OPLAH: variants seen among roughly 807,000 people sequenced by gnomAD.
OPLAH encodes 5-oxoprolinase.
In OPLAH, 103 loss-of-function variants were observed where a neutral mutation model predicts 122.8. The observed-to-expected ratio is 0.84, with a 90% CI of 0.71 to 0.99. The LOEUF is 0.99. Among genes scored for constraint, OPLAH ranks in the 50% least tolerant of loss-of-function variants. The probability of loss-of-function intolerance (pLI) is 0.00; values close to 1 mark genes in which losing one functional copy is unlikely to be tolerated. For missense variants in OPLAH, 1,902 were observed against 1,836.5 expected (o/e 1.04, Z -0.65); for synonymous variants, 875 against 796.0 (o/e 1.10, Z -1.67).
rs1554760439 is a variant in OPLAH, at chr8:144,059,771, G to C, written c.191C>G (p.Pro64Arg). ...ACTGGAGTCCAGCGGCTGGTCCCGG[G>C]GCAGGAGCATGCCGGCCTCCTGGGG... ...ILEQEAGMLL[P>R]RDQPLDSSHI... The change falls in exon 3 of 27, where the codon CCC (proline) becomes CGC (arginine). Residue 64 changes from proline (P) to arginine (R), a missense_variant. Physicochemically the swap from Pro to Arg is moderately radical, Grantham distance 103. Around this residue, in one of 3 missense-constraint regions of OPLAH, gnomAD observed 168 missense variants for 170.6 expected, o/e 0.98. Transcript: ENST00000618853. The C allele has an allele frequency of 6.2e-7, 1 of 1,608,666 alleles. No individual in the cohort carries two copies. Among genetic ancestry groups the C allele is most frequent in the Non-Finnish European group, 8.5e-7 (1 of 1,178,974 alleles).
chr8:144,063,512 C>A (rs1182297626), upstream of OPLAH, among the ~76,000 whole-genome samples: 1 of 152,178 alleles, frequency 6.6e-6, no homozygotes. This position sits in a 1 kb window ranked among gnomAD's most constrained non-coding sequence, Gnocchi z 4.2. Context: ...CCTGGAAAGC[C>A]GCGCCCCAGC....
Position 144,053,143 on chromosome 8 carries a change from G to C in OPLAH, c.2872-14C>G, listed in dbSNP as rs782254773. ...CTCAGCGTTTGCCTGGCAGGGAGCA[G>C]GATCAGTGGTGGCCAGGTCACCTGC... is the stretch of plus-strand genomic sequence containing the variant. On this transcript the variant is annotated splice_polypyrimidine_tract_variant and intron_variant, in intron 20 of 26. Transcript: ENST00000618853. 1 of 1,607,796 alleles carries C rather than the reference G, an allele frequency of 6.2e-7. No individual in the cohort carries two copies. Among genetic ancestry groups the C allele is most frequent in the Non-Finnish European group, 8.5e-7 (1 of 1,177,758 alleles).
intron 1 of OPLAH, among the ~76,000 whole-genome samples, 158 bp downstream of exon 1, chr8:144,060,494 GC>G (rs1181168468): frequency 6.6e-6 from 1 of 152,188 alleles, no homozygotes; most frequent in African/African-American, 2.4e-5. Flanking sequence ...AGCCTGGCGG[GC>G]CCCGGGACAG....
At chr8:144,051,542 T>G in intron 26 of OPLAH, 70 bp from the exon 27 acceptor site, 2 of 1,251,514 alleles carry the variant, frequency 1.6e-6, no homozygotes, top group Non-Finnish European at 2.2e-6. Context: ...ACCTGCGCAG[T>G]CCCCTCCCCA....
At position 144,058,578 on chromosome 8, in the gene OPLAH, G is replaced by C. The variant is rs369392245; in HGVS notation, c.701C>G (p.Thr234Arg). ...CGTGAGGTAGGCGTCGGCACAGGCC[G>C]TGTGCCCCCGAGGGACGATGCGCAC... ...PMVRIVPRGH[T>R]ACADAYLTPA... Residue 234 changes from threonine to arginine, a missense_variant, in exon 6 of 27, where the codon ACG becomes AGG. By Grantham distance (71) the Thr-to-Arg change is moderately conservative. Transcript: ENST00000618853. 1.2e-6 allele frequency: 2 copies of C among 1,602,162 alleles called. No individual in the cohort carries two copies. Among genetic ancestry groups the C allele is most frequent in the Non-Finnish European group, 1.7e-6 (2 of 1,179,216 alleles).
At position 144,051,958 on chromosome 8, in the gene OPLAH, C is replaced by G. The variant is rs782448659; in HGVS notation, c.3580G>C (p.Val1194Leu). ...LLFREEALLS[V>L]LTERRAFRPY... ...CGGAAGGCGCGGCGCTCGGTCAGCA[C>G]TGACAGCAGCGCCTCCTCACGAAAG... Residue 1194 changes from valine to leucine, a missense_variant, in exon 25 of 27, where the codon GTG becomes CTG. Coordinates refer to ENST00000618853, the MANE Select transcript of OPLAH (RefSeq NM_017570.5). 1.9e-6 allele frequency: 3 copies of G among 1,565,548 alleles called. No individual in the cohort carries two copies. The South Asian group carries it at 3.4e-5, about 18-fold the overall frequency.
intron 6 of OPLAH, 42 bp from the exon 7 acceptor site, chr8:144,058,446 GC>G: frequency 6.3e-7 from 1 of 1,577,720 alleles, no homozygotes; most frequent in Non-Finnish European, 8.6e-7. Context: ...GCAGGCCAAG[GC>G]CCAGGCCCAG....
rs1835495011 is a variant in OPLAH at position 144,055,690 on chromosome 8, G to A, written c.2248+98C>T. 2.2e-6 allele frequency: 3 copies of A among 1,357,724 alleles called. No homozygotes were observed. The highest frequency in any genetic ancestry group is 3.0e-5 in the African/African-American group (2 of 67,078). 84.1% of individuals were successfully genotyped at this position (1,357,724 alleles called of 1,614,324 possible). On this transcript the variant is annotated intron_variant, in intron 16 of 26. Coordinates refer to ENST00000618853, the MANE Select transcript of OPLAH (RefSeq NM_017570.5). This position sits in a 1 kb window ranked among gnomAD's most constrained non-coding sequence, Gnocchi z 6.5. Reference sequence around the variant, plus strand: ...ACACTGCCCGCCCCGTCGCCAGGGGGTCCTGCTTCTGCCTCTCCCTTTGGG... The same window carrying A: ...ACACTGCCCGCCCCGTCGCCAGGGGATCCTGCTTCTGCCTCTCCCTTTGGG...
At chr8:144,053,717 C>T (rs1170034280) in intron 19 of OPLAH, among the ~76,000 whole-genome samples, 4 of 152,062 alleles carry the variant, frequency 2.6e-5, no homozygotes, top group African/African-American at 9.7e-5. Context: ...GGTTCCATTA[C>T]ACCCACCCTC....
upstream of OPLAH, among the ~76,000 whole-genome samples, chr8:144,063,488 G>A (rs1395842529): frequency 6.6e-6 from 1 of 152,222 alleles, no homozygotes; most frequent in Non-Finnish European, 1.5e-5. The surrounding 1 kb of genome is among the most constrained non-coding windows in gnomAD (Gnocchi z 4.2). Flanking sequence ...GCCTGGCACA[G>A]GCTGTTCCCT....
rs1393157795 is a variant in OPLAH at position 144,052,056 on chromosome 8, C to A, written c.3482G>T (p.Arg1161Leu). ...LESRYPVILR[R>L]FELRRGSGGR... ...CCCCGAGCCCCGCCGCAGCTCGAAG[C>A]GGCGCAGGATGACCGGGTACCTGCG... is the stretch of plus-strand genomic sequence containing the variant. Residue 1161 changes from arginine (R) to leucine (L), a missense_variant, in exon 25 of 27, where the codon CGC becomes CTC. Physicochemically the swap from Arg to Leu is moderately radical, Grantham distance 102. Transcript: ENST00000618853. 2.5e-6 allele frequency: 4 copies of A among 1,587,380 alleles called. No homozygotes were observed. The African/African-American group carries it at 4.1e-5, about 16-fold the overall frequency.
At chr8:144,056,917 G>A (rs782766546) in intron 12 of OPLAH, 31 bp downstream of exon 12, 37 of 1,549,886 alleles carry the variant, frequency 2.4e-5, no homozygotes, top group Admixed American at 1.2e-4. Context: ...GACAACGTAA[G>A]CCCTCTGTCC....
Position 144,051,477 on chromosome 8 carries a change from TGGCGCGGGGGGG to T in OPLAH, c.3721-17_3721-6del. ...CGTGTGGAGACAGAACACATCCTGTTGGCGCGGGGGGGGGCGGGGAGGCGGGCTCAGTGCAGG... is the reference window on the plus strand; with the variant it reads ...CGTGTGGAGACAGAACACATCCTGTTGGCGGGGAGGCGGGCTCAGTGCAGG... On this transcript the variant is annotated splice_polypyrimidine_tract_variant and splice_region_variant and intron_variant, in intron 26 of 26. Coordinates refer to ENST00000618853, the MANE Select transcript of OPLAH (RefSeq NM_017570.5). 6.0e-6 allele frequency: 2 copies of T among 333,570 alleles called. No individual in the cohort carries two copies. Among genetic ancestry groups the T allele is most frequent in the Non-Finnish European group, 8.3e-6 (2 of 239,572 alleles). 20.7% of individuals were successfully genotyped at this position (333,570 alleles called of 1,614,324 possible).
rs1835380938 is a variant in OPLAH at position 144,051,734 on chromosome 8, G to T, written c.3715C>A (p.Pro1239Thr). 3.1e-6 allele frequency: 5 copies of T among 1,602,568 alleles called. No individual in the cohort carries two copies. The highest frequency in any genetic ancestry group is 4.2e-6 in the Non-Finnish European group (5 of 1,177,044). ...LGGKTSVTVY[P>T]GDVFCLHTPG... is the part of the protein sequence containing the mutation. ...GGACAGGCCGCGGCCCTTACCCCGG[G>T]GTACACGGTCACCGACGTCTTGCCG... Residue 1239 changes from proline to threonine, a missense_variant, in exon 26 of 27, where the codon CCC (proline) becomes ACC (threonine). By Grantham distance (38) the Pro-to-Thr change is conservative (BLOSUM62 -1). Coordinates refer to ENST00000618853, the MANE Select transcript of OPLAH (RefSeq NM_017570.5).
downstream of OPLAH, chr8:144,050,719 T>C (rs1835352592): frequency 1.7e-5 from 17 of 985,602 alleles, no homozygotes; most frequent in Non-Finnish European, 2.0e-5. Context: ...GGGGAGGGTA[T>C]CGGAGCGGGA....
rs1397189641 is a variant in OPLAH at position 144,057,218 on chromosome 8, G to A, written c.1525C>T (p.His509Tyr). The A allele has an allele frequency of 1.3e-5, 21 of 1,611,544 alleles. No individual in the cohort carries two copies. Among genetic ancestry groups the A allele is most frequent in the Non-Finnish European group, 1.8e-5 (21 of 1,179,510 alleles). Residue 509 changes from histidine to tyrosine, a missense_variant, in exon 11 of 27, where the codon CAC becomes TAC. His to Tyr is a moderately conservative substitution (Grantham distance 83, BLOSUM62 2). Transcript: ENST00000618853. ...IARALGMDTV[H>Y]IHRHSGLLSA... ...CACACCCAGGCCCACCTGTGGATGT[G>A]CACCGTGTCCATGCCCAGGGCCCGG... is the stretch of plus-strand genomic sequence containing the variant.
At position 144,052,993 on chromosome 8, in the gene OPLAH, C is replaced by G; in HGVS notation, c.3008G>C (p.Ser1003Thr). 6.3e-7 allele frequency: 1 copy of G among 1,599,570 alleles called. No individual in the cohort carries two copies. Among genetic ancestry groups the G allele is most frequent in the Non-Finnish European group, 8.5e-7 (1 of 1,173,674 alleles). Residue 1003 changes from serine (S) to threonine (T), a missense_variant, in exon 21 of 27, where the codon AGC (serine) becomes ACC (threonine). Transcript: ENST00000618853. The stretch of plus-strand genomic sequence containing the variant: ...CTCCCCACGGCCCACCTGACTCAGG[C>G]TGATCTGCACACGGAGGCGGATGGG... ...GSPIRLRVQI[S>T]LSQGSAVFDF... is the part of the protein sequence containing the mutation.
At chr8:144,060,160 G>T (rs979553964) in intron 1 of OPLAH, 75 bp from the exon 2 acceptor site, 2 of 1,067,134 alleles carry the variant, frequency 1.9e-6, no homozygotes, top group Non-Finnish European at 2.6e-6. Flanking sequence ...GCATGCGGGG[G>T]GTTCCTGAGG....
intron 1 of OPLAH, 109 bp from the exon 2 acceptor site, chr8:144,060,194 G>T: frequency 1.2e-6 from 1 of 803,226 alleles, no homozygotes; most frequent in Non-Finnish European, 1.9e-6. Flanking sequence ...GCACGACTCT[G>T]GGAAGAGCCA....
Sources: gnomAD v4.1 joint callset for allele counts (sites outside exome capture counted in the v4.1 genomes callset) on GRCh38, gnomAD v4.1.1 for gene constraint, gnomAD v4.1.1 regional missense constraint, Gnocchi (gnomAD v3.1) non-coding constraint, MANE v1.5 for transcripts, NCBI Gene and HGNC (gene_info 2026-07-23, HGNC 2026-07-21) for gene names.